The following OR3A2 variants were observed in gnomAD, a reference collection of about 807,000 sequenced individuals.
The protein encoded by OR3A2 is olfactory receptor 3A2.
For synonymous variants in OR3A2, 126 were observed against 159.3 expected (o/e 0.79, Z 1.57); for missense variants, 318 against 392.8 (o/e 0.81, Z 1.61).
intron 2 of OR3A2, among the ~76,000 whole-genome samples, chr17:3,357,446 G>T (rs1349550586): frequency 6.6e-6 from 1 of 151,566 alleles, no homozygotes; most frequent in African/African-American, 2.4e-5. Flanking sequence ...AACATCAAAG[G>T]ATAAGCTGCA....
chr17:3,374,343 G>A (rs1359652615), intron 2 of OR3A2, among the ~76,000 whole-genome samples: 1 of 152,152 alleles, frequency 6.6e-6, no homozygotes, highest in Admixed American at 6.5e-5. Context: ...TCATCTAGAT[G>A]TCTAGTAAGA....
intron 3 of OR3A2, among the ~76,000 whole-genome samples, chr17:3,299,056 T>A (rs1300998230): frequency 6.6e-6 from 1 of 152,206 alleles, no homozygotes; most frequent in Non-Finnish European, 1.5e-5. Flanking sequence ...ACCCCTCATA[T>A]TAGTTTCATG....
chr17:3,360,710 C>A (rs1323147589), intron 2 of OR3A2, among the ~76,000 whole-genome samples: 1 of 151,630 alleles, frequency 6.6e-6, no homozygotes, highest in Non-Finnish European at 1.5e-5. Context: ...TCAGGTTTGT[C>A]AAAGATCAGA....
intron 3 of OR3A2, among the ~76,000 whole-genome samples, chr17:3,309,157 C>A (rs7219231): frequency 6.6e-6 from 1 of 151,936 alleles, no homozygotes; most frequent in Non-Finnish European, 1.5e-5. Context: ...CCACCCACCG[C>A]GGCCTCCCAA....
intron 3 of OR3A2, among the ~76,000 whole-genome samples, chr17:3,320,124 G>C (rs1346295176): frequency 5.9e-5 from 9 of 152,256 alleles, no homozygotes; most frequent in Admixed American, 2.0e-4. Flanking sequence ...TTCTCTGATG[G>C]CCAGTGATGA....
At chr17:3,303,729 G>C (rs1346393098) in intron 3 of OR3A2, among the ~76,000 whole-genome samples, 2 of 103,866 alleles carry the variant, frequency 1.9e-5, no homozygotes, top group Non-Finnish European at 3.8e-5. Flanking sequence ...TGGCGAATGA[G>C]CAAGACTTCA....
chr17:3,380,840 C>T (rs1204895628), intron 2 of OR3A2, among the ~76,000 whole-genome samples: 3 of 152,116 alleles, frequency 2.0e-5, no homozygotes, highest in African/African-American at 7.2e-5. Context: ...TGCCCACTCT[C>T]CACTCTGTTG....
intron 2 of OR3A2, among the ~76,000 whole-genome samples, chr17:3,358,734 CAAG>C (rs2049483505): frequency 6.6e-6 from 1 of 151,646 alleles, no homozygotes; most frequent in Admixed American, 6.6e-5. Flanking sequence ...CATGTGGCAA[CAAG>C]AAGAATGTAT....
At chr17:3,376,641 C>T (rs1169941886) in intron 2 of OR3A2, among the ~76,000 whole-genome samples, 2 of 152,178 alleles carry the variant, frequency 1.3e-5, no homozygotes, top group East Asian at 3.9e-4. Context: ...CATCATGACC[C>T]ACCAATAGCA....
chr17:3,276,673 G>A (rs1460204410), downstream of OR3A2, among the ~76,000 whole-genome samples: 2 of 152,070 alleles, frequency 1.3e-5, no homozygotes, highest in Non-Finnish European at 2.9e-5. Context: ...TGGAGGAGAA[G>A]GTTATATTGG....
chr17:3,350,135 G>C (rs1401158644), intron 2 of OR3A2, among the ~76,000 whole-genome samples: 6 of 151,366 alleles, frequency 4.0e-5, no homozygotes, highest in African/African-American at 9.7e-5. Flanking sequence ...AGAAAAGCAA[G>C]AGCAAACACT....
At chr17:3,315,148 A>G (rs1229537616) in intron 3 of OR3A2, among the ~76,000 whole-genome samples, 4 of 152,196 alleles carry the variant, frequency 2.6e-5, no homozygotes, top group South Asian at 2.1e-4. Flanking sequence ...TAGTAAACAT[A>G]TAAGTGCGTG....
At chr17:3,369,677 T>C (rs1289100865) in intron 2 of OR3A2, among the ~76,000 whole-genome samples, 1 of 152,172 alleles carries the variant, frequency 6.6e-6, no homozygotes, top group African/African-American at 2.4e-5. Context: ...ATCTAGGATA[T>C]TGGTCTGTAA....
In OR3A2 at chr17:3,346,618, ATAC is replaced by A. The variant is rs2049365565; in HGVS notation, c.-178-10495_-178-10493del. On this transcript the variant is annotated intron_variant, in intron 2 of 4. Coordinates refer to the OR3A2 transcript ENST00000573491. ...TATAGTTACTCTGCTGTGCTATCAAATACTAGTTCTTATTCACTCTTTCCATGG... is the reference window on the plus strand; with the variant it reads ...TATAGTTACTCTGCTGTGCTATCAAATAGTTCTTATTCACTCTTTCCATGG... Among the ~76,000 whole-genome samples the A allele has an allele frequency of 2.0e-5, 3 of 152,066 alleles. No individual in the cohort carries two copies. The South Asian group carries it at 6.2e-4, about 32-fold the overall frequency.
chr17:3,300,998 C>G (rs7213833), intron 3 of OR3A2, among the ~76,000 whole-genome samples: 25,210 of 152,066 alleles, frequency 0.17, 2,981 homozygotes, highest in African/African-American at 0.33. Flanking sequence ...AGCTTCATCC[C>G]TGTCCTTACA....
chr17:3,313,632 C>A (rs2049060448), intron 3 of OR3A2, among the ~76,000 whole-genome samples: 1 of 152,198 alleles, frequency 6.6e-6, no homozygotes, highest in South Asian at 2.1e-4. Context: ...ATCTTTCAAC[C>A]ACGGGTGCTC....
chr17:3,347,366 G>A (rs1437452149), intron 2 of OR3A2, among the ~76,000 whole-genome samples: 3 of 151,982 alleles, frequency 2.0e-5, no homozygotes, highest in Non-Finnish European at 2.9e-5. Context: ...CTAGCATTAG[G>A]TATATCTCCC....
upstream of OR3A2, among the ~76,000 whole-genome samples, chr17:3,289,355 C>T (rs1315389616): frequency 2.0e-5 from 3 of 152,146 alleles, no homozygotes; most frequent in Admixed American, 6.5e-5. Flanking sequence ...GATAAAGAAA[C>T]CGTGTGATCC....
chr17:3,285,020 C>T (rs547595266), upstream of OR3A2, among the ~76,000 whole-genome samples: 12 of 152,142 alleles, frequency 7.9e-5, no homozygotes, highest in East Asian at 2.3e-3. Flanking sequence ...TAGTGGGGGA[C>T]ACTTGGACTG....
Sources: allele counts gnomAD v4.1 joint callset (sites outside exome capture counted in the v4.1 genomes callset), GRCh38; gene constraint gnomAD v4.1.1; transcripts MANE v1.5; gene names NCBI Gene and HGNC (gene_info 2026-07-23, HGNC 2026-07-21).